The following IKZF2 variants were observed in gnomAD, a reference collection of about 807,000 sequenced individuals.
The protein encoded by IKZF2 is IKAROS family zinc finger 2.
IKZF2 carries 15 observed loss-of-function variants against 49.2 expected under a neutral mutation model. The observed-to-expected ratio is 0.30, with a 90% CI of 0.20 to 0.47. The LOEUF (loss-of-function observed/expected upper bound fraction) is 0.47, where lower values mean the gene tolerates loss of function less well. IKZF2 is among the 20% of genes least tolerant of loss of function. The pLI is 1.00. For missense variants in IKZF2, 567 were observed against 664.6 expected, an observed-to-expected ratio of 0.85 and a Z score of 1.61; for synonymous variants, 227 against 221.4, an observed-to-expected ratio of 1.03 and a Z score of -0.23.
intron 4 of IKZF2, among the ~76,000 whole-genome samples, chr2:213,128,072 T>C (rs1046262926): frequency 2.0e-5 from 3 of 152,174 alleles, no homozygotes; most frequent in African/African-American, 4.8e-5. Flanking sequence ...AATGTGAGGA[T>C]GCAAACTTGT....
At chr2:213,113,803 G>A (rs1178139367) in intron 4 of IKZF2, among the ~76,000 whole-genome samples, 1 of 152,106 alleles carries the variant, frequency 6.6e-6, no homozygotes, top group Non-Finnish European at 1.5e-5. Context: ...GTTTCTAAAT[G>A]TGCCTGGGAT....
Position 213,079,495 on chromosome 2 carries a change from A to G in IKZF2, c.140-22396T>C, listed in dbSNP as rs1162237643. Among the ~76,000 whole-genome samples, 5 of 149,144 alleles carry G rather than the reference A, an allele frequency of 3.4e-5. No homozygotes were observed. In the East Asian group the frequency reaches 9.9e-4, roughly 30 times the overall value. ...AGGGAGGGGGAGAGAGAAAAAAAGA[A>G]AGAGAGAGAGAGAAGAAAGGAAGGA... is the stretch of plus-strand genomic sequence containing the variant. On this transcript the variant is annotated intron_variant, in intron 4 of 8. Transcript: ENST00000434687.
rs141501670 is a variant in IKZF2 at position 213,072,479 on chromosome 2, T to C, written c.140-15380A>G. Among the ~76,000 whole-genome samples, 85 of 152,168 alleles carry C rather than the reference T, an allele frequency of 5.6e-4. 1 individual carries two copies. Among genetic ancestry groups the C allele is most frequent in the African/African-American group, 1.9e-3 (78 of 41,532 alleles). ...AGTCTACAATCTGCAGATTTTATTA[T>C]CATTATCGCTCACTGGGTATTGAAC... On this transcript the variant is annotated intron_variant, in intron 4 of 8. Transcript: ENST00000434687.
chr2:213,041,374 C>A (rs1007070882), intron 6 of IKZF2, among the ~76,000 whole-genome samples: 3 of 151,916 alleles, frequency 2.0e-5, no homozygotes, highest in African/African-American at 7.3e-5. Context: ...CGCTCTGTCA[C>A]CCAGGCTGGT....
intron 6 of IKZF2, among the ~76,000 whole-genome samples, chr2:213,037,006 AGTTTGC>A (rs1388893348): frequency 6.6e-5 from 10 of 152,284 alleles, no homozygotes; most frequent in African/African-American, 2.4e-4. Context: ...TGAGTAATAA[AGTTTGC>A]GTGCAGCCTC....
chr2:213,091,321 C>A (rs1452298455), intron 4 of IKZF2, among the ~76,000 whole-genome samples: 1 of 152,050 alleles, frequency 6.6e-6, no homozygotes, highest in East Asian at 1.9e-4. Flanking sequence ...AATTCCATAT[C>A]TGAAGAAAGC....
At position 213,007,648 on chromosome 2, in the gene IKZF2, T is replaced by C; in HGVS notation, c.1293A>G (p.Lys431=). 3 of 1,613,734 alleles carry C rather than the reference T, an allele frequency of 1.9e-6. No individual in the cohort carries two copies. Among genetic ancestry groups the C allele is most frequent in the Non-Finnish European group, 2.5e-6 (3 of 1,179,740 alleles). Reference sequence around the variant, plus strand: ...CCTCCTTCATGTAAGCTGGGCTTTGTTTCCTCTTGGGATTTAAGGCAGGGT... The same window carrying C: ...CCTCCTTCATGTAAGCTGGGCTTTGCTTCCTCTTGGGATTTAAGGCAGGGT... ...QGHPALNPKR[K]QSPAYMKEDV... The change falls in exon 9 of 9, where the codon AAA becomes AAG. Residue 431 remains lysine, a synonymous_variant. Coordinates refer to ENST00000434687, the MANE Select transcript of IKZF2 (RefSeq NM_001387220.1).
intron 6 of IKZF2, among the ~76,000 whole-genome samples, chr2:213,043,432 A>C (rs1699854785): frequency 6.6e-6 from 1 of 152,188 alleles, no homozygotes; most frequent in Non-Finnish European, 1.5e-5. Flanking sequence ...AATACAATAA[A>C]ACAATGGACA....
chr2:213,114,572 T>C (rs942634936), intron 4 of IKZF2, among the ~76,000 whole-genome samples: 6 of 151,924 alleles, frequency 3.9e-5, no homozygotes, highest in Non-Finnish European at 7.4e-5. Flanking sequence ...TTCCAAAAAG[T>C]GTGAAAATGT....
chr2:213,086,681 CCAAA>C (rs1704647259), intron 4 of IKZF2, among the ~76,000 whole-genome samples: 1 of 152,132 alleles, frequency 6.6e-6, no homozygotes, highest in African/African-American at 2.4e-5. Context: ...TCTCCAGCCT[CCAAA>C]CAGTCAGGCA....
At chr2:213,118,345 A>G (rs2059942238) in intron 4 of IKZF2, among the ~76,000 whole-genome samples, 1 of 152,204 alleles carries the variant, frequency 6.6e-6, no homozygotes, top group Non-Finnish European at 1.5e-5. Flanking sequence ...ACACCTTTTC[A>G]ACACTACACA....
At chr2:213,022,497 G>T (rs1360203006) in intron 6 of IKZF2, among the ~76,000 whole-genome samples, 6 of 150,938 alleles carry the variant, frequency 4.0e-5, no homozygotes, top group Admixed American at 2.0e-4. Flanking sequence ...AAGAGTTGTG[G>T]TTTTTTTTTG....
chr2:213,021,255 TA>T (rs1317106161), intron 7 of IKZF2, among the ~76,000 whole-genome samples: 2 of 151,770 alleles, frequency 1.3e-5, no homozygotes, highest in African/African-American at 4.8e-5. Flanking sequence ...AAAAAATAAA[TA>T]AAAGATATAC....
At chr2:213,069,734 T>C (rs1034591129) in intron 4 of IKZF2, among the ~76,000 whole-genome samples, 1 of 152,106 alleles carries the variant, frequency 6.6e-6, no homozygotes, top group Non-Finnish European at 1.5e-5. Flanking sequence ...ATTACTACAC[T>C]GCCTAACACC....
intron 4 of IKZF2, among the ~76,000 whole-genome samples, chr2:213,077,326 C>T (rs1029294703): frequency 1.3e-5 from 2 of 152,008 alleles, no homozygotes; most frequent in African/African-American, 4.8e-5. Flanking sequence ...TAAAATAATA[C>T]TAGTCTTTTT....
intron 4 of IKZF2, among the ~76,000 whole-genome samples, chr2:213,083,154 A>C (rs957784589): frequency 8.5e-5 from 13 of 152,186 alleles, no homozygotes; most frequent in Admixed American, 1.3e-4. Flanking sequence ...TTAAGTAATG[A>C]AAACACTCTG....
intron 7 of IKZF2, among the ~76,000 whole-genome samples, chr2:213,019,807 A>G (rs931896470): frequency 8.5e-5 from 13 of 152,152 alleles, no homozygotes; most frequent in African/African-American, 2.9e-4. Flanking sequence ...GGGCTAAGCA[A>G]TCTGGGGAAT....
At chr2:213,121,184 T>TC (rs1161339349) in intron 4 of IKZF2, among the ~76,000 whole-genome samples, 1 of 152,342 alleles carries the variant, frequency 6.6e-6, no homozygotes, top group East Asian at 1.9e-4. Flanking sequence ...ATAATAGTTA[T>TC]CCTATAGGAT....
At chr2:213,082,722 G>A (rs977833767) in intron 4 of IKZF2, among the ~76,000 whole-genome samples, 1 of 152,142 alleles carries the variant, frequency 6.6e-6, no homozygotes, top group African/African-American at 2.4e-5. Flanking sequence ...TTCAAAGTTT[G>A]GTGAGTGTGT....
Sources: gnomAD v4.1 joint callset for allele counts (sites outside exome capture counted in the v4.1 genomes callset) on GRCh38, gnomAD v4.1.1 for gene constraint, MANE v1.5 for transcripts, NCBI Gene and HGNC (gene_info 2026-07-23, HGNC 2026-07-21) for gene names.